Variants in TARBP1 observed in about 807,000 individuals in gnomAD.
TARBP1 encodes tRNA (guanosine(18)-2'-O)-methyltransferase TARBP1.
TARBP1 carries 144 observed loss-of-function variants against 178.6 expected under a neutral mutation model. That is an observed-to-expected ratio of 0.81 (90% CI 0.70 to 0.93). The LOEUF is 0.93. Ranked by LOEUF, TARBP1 falls within the 40% of genes least tolerant of loss-of-function variation. TARBP1 has a pLI of 0.00. For synonymous variants in TARBP1, 787 were observed against 781.0 expected (o/e 1.01, Z -0.13); for missense variants, 2,067 against 2,011.7 (o/e 1.03, Z -0.53).
chr1:234,431,493 GAATTA>G (rs1446645331), intron 14 of TARBP1, among the ~76,000 whole-genome samples: 2 of 152,294 alleles, frequency 1.3e-5, no homozygotes, highest in Admixed American at 1.3e-4. Context: ...TTTCCTCCTA[GAATTA>G]AATTATTAAA....
At chr1:234,438,401 C>A (rs1466981303) in intron 12 of TARBP1, among the ~76,000 whole-genome samples, 4 of 152,072 alleles carry the variant, frequency 2.6e-5, no homozygotes, top group African/African-American at 9.7e-5. Flanking sequence ...CAATCAATGA[C>A]AATCTTGAAG....
At chr1:234,426,868 A>T (rs1433436151) in intron 19 of TARBP1, among the ~76,000 whole-genome samples, 1 of 152,180 alleles carries the variant, frequency 6.6e-6, no homozygotes, top group Non-Finnish European at 1.5e-5. Context: ...AAAGAGTTTT[A>T]AAAAAACCAA....
chr1:234,448,478 AC>A lies in TARBP1; in HGVS notation c.1961+1del. On this transcript the variant is annotated splice_donor_variant, in intron 11 of 29. Transcript: ENST00000040877. LOFTEE classifies it high-confidence loss of function. ...TTTCTTTTCAATTACAGAAACAATT[AC>A]CTATACTGAGTCTTCATTCCTTCCA... 1 of 1,610,834 alleles carries A rather than the reference AC, an allele frequency of 6.2e-7. No individual in the cohort carries two copies. The highest frequency in any genetic ancestry group is 8.5e-7 in the Non-Finnish European group (1 of 1,177,244).
intron 27 of TARBP1, 64 bp from the exon 28 acceptor site, chr1:234,393,550 A>G (rs1659618064): frequency 6.4e-7 from 1 of 1,573,068 alleles, no homozygotes; most frequent in Non-Finnish European, 8.6e-7. Flanking sequence ...ATCATGTCGC[A>G]TACATTCCTT....
intron 24 of TARBP1, among the ~76,000 whole-genome samples, chr1:234,403,993 C>A (rs948519680): frequency 6.6e-6 from 1 of 152,082 alleles, no homozygotes; most frequent in African/African-American, 2.4e-5. Flanking sequence ...CAGCCGGATG[C>A]CTTATTTTGA....
intron 12 of TARBP1, among the ~76,000 whole-genome samples, chr1:234,444,534 A>T (rs1407499052): frequency 6.6e-6 from 1 of 152,084 alleles, no homozygotes; most frequent in Non-Finnish European, 1.5e-5. Context: ...CATCACTGTG[A>T]ATTCACGATC....
In TARBP1 at chr1:234,465,621, T is replaced by C. The variant is rs368729616; in HGVS notation, c.1301+35A>G. On this transcript the variant is annotated intron_variant, in intron 5 of 29. Transcript: ENST00000040877. Reference sequence around the variant, plus strand: ...GTCATGTCTCTTAACATGAAATGTATGTATCAAATACTTCATAACATAATG... The same window carrying C: ...GTCATGTCTCTTAACATGAAATGTACGTATCAAATACTTCATAACATAATG... The C allele has an allele frequency of 3.0e-5, 46 of 1,523,384 alleles. No individual in the cohort carries two copies. In the African/African-American group the frequency reaches 6.0e-4, roughly 20 times the overall value. The allele number at this position is 1,523,384 out of a possible 1,614,324, so 94.4% of individuals were successfully genotyped here.
At chr1:234,415,857 T>G (rs3754315) in intron 22 of TARBP1, among the ~76,000 whole-genome samples, 26,498 of 152,184 alleles carry the variant, frequency 0.17, 2,450 homozygotes, top group East Asian at 0.3. Context: ...AATTTTCCAG[T>G]TCTGATTCTG....
At chr1:234,398,707 T>C (rs1463398174) in intron 25 of TARBP1, among the ~76,000 whole-genome samples, 154 bp from the exon 26 acceptor site, 2 of 152,218 alleles carry the variant, frequency 1.3e-5, no homozygotes, top group Non-Finnish European at 2.9e-5. Flanking sequence ...ATAGCAACTG[T>C]CTATATATAT....
At chr1:234,449,230 T>C (rs575153881) in intron 10 of TARBP1, among the ~76,000 whole-genome samples, 4 of 152,310 alleles carry the variant, frequency 2.6e-5, no homozygotes, top group Admixed American at 6.5e-5. Context: ...CAGAGGACCT[T>C]TGTCTCTGCC....
intron 22 of TARBP1, among the ~76,000 whole-genome samples, chr1:234,413,228 CG>C (rs1374147111): frequency 6.6e-6 from 1 of 151,884 alleles, no homozygotes; most frequent in African/African-American, 2.4e-5. Context: ...ACACACATCA[CG>C]AAAAAAAAGC....
chr1:234,406,305 T>C, intron 23 of TARBP1: 2 of 565,462 alleles, frequency 3.5e-6, no homozygotes, highest in Non-Finnish European at 6.3e-6. Context: ...AAACACATTC[T>C]CCCAGCTCTA....
At chr1:234,470,618 T>C (rs936916583) in intron 3 of TARBP1, among the ~76,000 whole-genome samples, 5 of 145,676 alleles carry the variant, frequency 3.4e-5, no homozygotes, top group African/African-American at 1.3e-4. Flanking sequence ...TTAAATTGTG[T>C]TCTTTTTTTT....
intron 23 of TARBP1, 55 bp from the exon 24 acceptor site, chr1:234,406,154 C>G: frequency 1.3e-6 from 2 of 1,517,086 alleles, no homozygotes; most frequent in Non-Finnish European, 1.8e-6. Context: ...ATTTTACTCT[C>G]ACTTGTATGA....
chr1:234,397,018 C>T (rs1019804457), intron 26 of TARBP1, among the ~76,000 whole-genome samples: 2 of 150,732 alleles, frequency 1.3e-5, no homozygotes, highest in Non-Finnish European at 3.0e-5. Context: ...TAAAAGAAAC[C>T]GAAAGAAAAT....
chr1:234,471,290 G>C lies in TARBP1; in HGVS notation c.1030-33C>G, dbSNP rs368887837. The C allele has an allele frequency of 2.2e-6, 3 of 1,386,900 alleles. No individual in the cohort carries two copies. The African/African-American group carries it at 4.4e-5, about 21-fold the overall frequency. The allele number at this position is 1,386,900 out of a possible 1,614,324, so 85.9% of individuals were successfully genotyped here. ...TAAGAGCAAAAAAATCATATGAAAT[G>C]AAAATGCATCTTGAAAAATGTCAGG... On this transcript the variant is annotated intron_variant, in intron 2 of 29. Coordinates refer to ENST00000040877, the MANE Select transcript of TARBP1 (RefSeq NM_005646.4).
Position 234,451,505 on chromosome 1 carries a change from T to A in TARBP1, c.1723-939A>T. ...GCTCACGCCTGTAATCCCAGCACTT[T>A]GGGAGGCCGAGGCGGGCGGATCACG... On this transcript the variant is annotated intron_variant, in intron 9 of 29. Coordinates refer to ENST00000040877, the MANE Select transcript of TARBP1 (RefSeq NM_005646.4). Among the ~76,000 whole-genome samples, 3 of 34,380 alleles carry A rather than the reference T, an allele frequency of 8.7e-5. 1 individual carries two copies. In the African/African-American group the frequency reaches 9.1e-4, roughly 10 times the overall value. The allele number at this position is 34,380 out of a possible 152,430, so 22.6% of individuals were successfully genotyped here.
At chr1:234,464,150 T>C (rs1668192365) in intron 5 of TARBP1, among the ~76,000 whole-genome samples, 1 of 152,210 alleles carries the variant, frequency 6.6e-6, no homozygotes, top group Non-Finnish European at 1.5e-5. Flanking sequence ...GGACATGAGT[T>C]AATAACCTAC....
At chr1:234,432,737 A>C (rs1664593887) in intron 14 of TARBP1, among the ~76,000 whole-genome samples, 1 of 152,150 alleles carries the variant, frequency 6.6e-6, no homozygotes, top group Non-Finnish European at 1.5e-5. Flanking sequence ...TAAAACTCTA[A>C]GTAGCCTAGA....
Sources: allele counts gnomAD v4.1 joint callset (sites outside exome capture counted in the v4.1 genomes callset), GRCh38; gene constraint gnomAD v4.1.1; transcripts MANE v1.5; gene names NCBI Gene and HGNC (gene_info 2026-07-23, HGNC 2026-07-21).